The following CPS1 variants were observed in gnomAD, a reference collection of about 807,000 sequenced individuals.
CPS1 encodes the protein carbamoyl-phosphate synthase [ammonia], mitochondrial.
CPS1 carries 109 observed loss-of-function variants against 174.6 expected under a neutral mutation model. The observed-to-expected ratio is 0.62, with a 90% CI of 0.53 to 0.73. The LOEUF is 0.73. Ranked by LOEUF, CPS1 falls within the 30% of genes least tolerant of loss-of-function variation. The pLI is 0.00. For synonymous variants in CPS1, 637 were observed against 632.0 expected (o/e 1.01, Z -0.12); for missense variants, 1,689 against 1,821.9 (o/e 0.93, Z 1.33).
At chr2:210,534,273 C>A (rs1388476970) in intron 1 of CPS1, among the ~76,000 whole-genome samples, 6 of 152,198 alleles carry the variant, frequency 3.9e-5, no homozygotes, top group Non-Finnish European at 2.9e-5. Flanking sequence ...GGATGTTCTG[C>A]TCCCTTCTGG....
chr2:210,531,471 A>G (rs763882341), intron 1 of CPS1, among the ~76,000 whole-genome samples: 1 of 152,126 alleles, frequency 6.6e-6, no homozygotes, highest in Non-Finnish European at 1.5e-5. Context: ...GGAACATTTT[A>G]ATGAGGCAAT....
intron 1 of CPS1, among the ~76,000 whole-genome samples, chr2:210,531,672 G>T (rs886478838): frequency 1.3e-5 from 2 of 152,230 alleles, no homozygotes; most frequent in Non-Finnish European, 1.5e-5. Context: ...GACAGATGAT[G>T]TGCTTAGATT....
chr2:210,613,325 C>T (rs1177312313), intron 20 of CPS1, among the ~76,000 whole-genome samples: 3 of 151,848 alleles, frequency 2.0e-5, no homozygotes, highest in East Asian at 1.9e-4. Flanking sequence ...ATATTCTCCT[C>T]GCTCTTATGG....
At chr2:210,511,945 C>T (rs1226266876) in intron 1 of CPS1, among the ~76,000 whole-genome samples, 1 of 152,090 alleles carries the variant, frequency 6.6e-6, no homozygotes, top group Non-Finnish European at 1.5e-5. Flanking sequence ...TCTTATTCTA[C>T]ATGAGTCATT....
chr2:210,571,599 C>T lies in CPS1; in HGVS notation c.127-1699C>T, dbSNP rs118161193. Among the ~76,000 whole-genome samples, 146 of 151,838 alleles carry T rather than the reference C, an allele frequency of 9.6e-4. 1 individual carries two copies. In the East Asian group the frequency reaches 0.017, roughly 18 times the overall value. ...ACACACTCACACATAAACAAGACGT[C>T]GGAATATAGTATATTGGTTTAAAGG... On this transcript the variant is annotated intron_variant, in intron 1 of 37. Transcript: ENST00000233072.
At chr2:210,494,617 CAATA>C (rs1200731090) in intron 1 of CPS1, among the ~76,000 whole-genome samples, 1 of 152,068 alleles carries the variant, frequency 6.6e-6, no homozygotes, top group African/African-American at 2.4e-5. Context: ...AATATCATTT[CAATA>C]AATGAATGCA....
At chr2:210,483,048 T>A (rs28664832) in intron 1 of CPS1, among the ~76,000 whole-genome samples, 2 of 152,252 alleles carry the variant, frequency 1.3e-5, no homozygotes, top group Admixed American at 1.3e-4. Flanking sequence ...TAAGTCTTTT[T>A]AAGTTATAAA....
In CPS1 at chr2:210,590,078, A is replaced by G. The variant is rs138436638; in HGVS notation, c.712-28A>G. 1.5e-4 allele frequency: 244 copies of G among 1,612,326 alleles called. 1 individual carries two copies. The East Asian group carries it at 5.2e-3, about 34-fold the overall frequency. Reference sequence around the variant, plus strand: ...CTTTGGCAAAGAAACATGTTATTAAATTCATCATTCTTGTGTCTCTTTTCC... The same window carrying G: ...CTTTGGCAAAGAAACATGTTATTAAGTTCATCATTCTTGTGTCTCTTTTCC... On this transcript the variant is annotated intron_variant, in intron 7 of 37. Coordinates refer to ENST00000233072, the MANE Select transcript of CPS1 (RefSeq NM_001875.5).
intron 1 of CPS1, among the ~76,000 whole-genome samples, chr2:210,520,871 G>A (rs1388375593): frequency 6.6e-6 from 1 of 151,888 alleles, no homozygotes; most frequent in Non-Finnish European, 1.5e-5. Context: ...GAATATTTGG[G>A]TTTGTTTTTA....
intron 1 of CPS1, among the ~76,000 whole-genome samples, chr2:210,486,668 A>C (rs925801164): frequency 6.6e-6 from 1 of 152,084 alleles, no homozygotes; most frequent in African/African-American, 2.4e-5. Context: ...GCACCACCAC[A>C]TGCAGCTAAT....
intron 1 of CPS1, among the ~76,000 whole-genome samples, chr2:210,511,864 T>C (rs1038491098): frequency 2.6e-5 from 4 of 152,098 alleles, no homozygotes; most frequent in African/African-American, 9.7e-5. Context: ...ATTTACACAT[T>C]GTGGTTTCAA....
chr2:210,482,618 T>A (rs894669410), intron 1 of CPS1, among the ~76,000 whole-genome samples: 3 of 151,932 alleles, frequency 2.0e-5, no homozygotes, highest in Admixed American at 1.3e-4. Flanking sequence ...TTAATGTGAT[T>A]CTTTTGCAGA....
chr2:210,625,946 CTGTT>C (rs200454312), intron 21 of CPS1, among the ~76,000 whole-genome samples: 1,849 of 152,108 alleles, frequency 0.012, 35 homozygotes, highest in African/African-American at 0.042. Context: ...TATTAGCTAC[CTGTT>C]TGTTCATTGG....
At chr2:210,600,388 C>A (rs190287055) in intron 14 of CPS1, among the ~76,000 whole-genome samples, 167 bp from the exon 15 acceptor site, 2 of 151,602 alleles carry the variant, frequency 1.3e-5, no homozygotes, top group Admixed American at 6.6e-5. Context: ...TTTGTCAGAC[C>A]GTCTTCAGAA....
At chr2:210,608,231 A>T (rs1698988869) in intron 18 of CPS1, 130 bp from the exon 19 acceptor site, 2 of 797,260 alleles carry the variant, frequency 2.5e-6, no homozygotes, top group African/African-American at 3.4e-5. Flanking sequence ...TTGATGCAGA[A>T]CAGAGAATCA....
intron 21 of CPS1, among the ~76,000 whole-genome samples, chr2:210,629,323 C>CT (rs931151734): frequency 8.0e-5 from 12 of 150,334 alleles, no homozygotes; most frequent in Non-Finnish European, 1.5e-4. Context: ...CTTTTTTTTT[C>CT]TTTTTTTTTG....
intron 1 of CPS1, among the ~76,000 whole-genome samples, chr2:210,540,772 T>C (rs1239234679): frequency 6.6e-6 from 1 of 152,184 alleles, no homozygotes; most frequent in Non-Finnish European, 1.5e-5. Context: ...TACTATCTTA[T>C]TGTTCCATTC....
At chr2:210,661,576 T>A (rs1466705634) in intron 32 of CPS1, among the ~76,000 whole-genome samples, 1 of 152,152 alleles carries the variant, frequency 6.6e-6, no homozygotes, top group African/African-American at 2.4e-5. Flanking sequence ...GAATTAAAAA[T>A]CTTGTTTAAG....
At position 210,613,323 on chromosome 2, in the gene CPS1, C is replaced by G. The variant is rs1014937967; in HGVS notation, c.2568+1030C>G. ...TTAATTGCATCCAATGTATATTCTC[C>G]TCGCTCTTATGGTTTCTAAATGGAA... On this transcript the variant is annotated intron_variant, in intron 20 of 37. Coordinates refer to ENST00000233072, the MANE Select transcript of CPS1 (RefSeq NM_001875.5). Among the ~76,000 whole-genome samples the G allele has an allele frequency of 5.3e-5, 8 of 151,894 alleles. No homozygotes were observed. In the East Asian group the frequency reaches 1.6e-3, roughly 30 times the overall value.
Sources: allele counts gnomAD v4.1 joint callset (sites outside exome capture counted in the v4.1 genomes callset), GRCh38; gene constraint gnomAD v4.1.1; transcripts MANE v1.5; gene names NCBI Gene and HGNC (gene_info 2026-07-23, HGNC 2026-07-21).